ASTN2: variants seen among roughly 807,000 people sequenced by gnomAD.
The protein encoded by ASTN2 is astrotactin 2, also known as astrotactin-2.
In ASTN2, 54 loss-of-function variants were observed where a neutral mutation model predicts 139.8. That is an observed-to-expected ratio of 0.39 (90% confidence interval 0.31 to 0.48). The LOEUF (loss-of-function observed/expected upper bound fraction) is 0.48. Among genes scored for constraint, ASTN2 ranks in the 20% least tolerant of loss-of-function variants. The pLI, the probability that ASTN2 is intolerant of heterozygous loss-of-function variation, is 0.95. For missense variants in ASTN2, 1,565 were observed against 1,725.1 expected (o/e 0.91, Z 1.64); for synonymous variants, 756 against 719.5 (o/e 1.05, Z -0.81).
intron 5 of ASTN2, among the ~76,000 whole-genome samples, chr9:117,051,636 C>T (rs922319129): frequency 3.9e-5 from 6 of 152,154 alleles, no homozygotes; most frequent in African/African-American, 1.2e-4. Flanking sequence ...AAATATGTTG[C>T]CCATCATTCT....
At chr9:117,152,555 T>C (rs1830349026) in intron 3 of ASTN2, among the ~76,000 whole-genome samples, 1 of 152,134 alleles carries the variant, frequency 6.6e-6, no homozygotes, top group South Asian at 2.1e-4. Flanking sequence ...GCTTATCAAG[T>C]TTCTGCTTTG....
At chr9:117,235,797 T>C (rs555331675) in intron 2 of ASTN2, among the ~76,000 whole-genome samples, 12 of 152,210 alleles carry the variant, frequency 7.9e-5, no homozygotes, top group Non-Finnish European at 1.6e-4. Context: ...CCTGAGTTTA[T>C]AGGCAACCCT....
intron 1 of ASTN2, among the ~76,000 whole-genome samples, chr9:117,388,262 T>C (rs1430658894): frequency 6.6e-6 from 1 of 152,240 alleles, no homozygotes; most frequent in Non-Finnish European, 1.5e-5. Context: ...TAGACCCACC[T>C]TTCAAAATCT....
At chr9:116,862,761 G>T (rs1043286976) in intron 11 of ASTN2, among the ~76,000 whole-genome samples, 1 of 150,490 alleles carries the variant, frequency 6.6e-6, no homozygotes, top group African/African-American at 2.4e-5. Flanking sequence ...AGCCTATGTG[G>T]CAATGTTTCC....
At chr9:116,445,232 AG>A (rs771504867) in intron 20 of ASTN2, among the ~76,000 whole-genome samples, 4 of 152,228 alleles carry the variant, frequency 2.6e-5, no homozygotes, top group African/African-American at 7.2e-5. Flanking sequence ...CAATAAAATG[AG>A]GTTAGTTTCA....
intron 19 of ASTN2, among the ~76,000 whole-genome samples, chr9:116,530,710 G>T (rs1392244907): frequency 6.6e-6 from 1 of 152,188 alleles, no homozygotes; most frequent in Non-Finnish European, 1.5e-5. Context: ...TAGGCCAGAA[G>T]ACTCTTCAAT....
intron 3 of ASTN2, among the ~76,000 whole-genome samples, chr9:117,154,724 A>G (rs1181704391): frequency 2.6e-5 from 4 of 152,122 alleles, no homozygotes; most frequent in South Asian, 2.1e-4. Context: ...ATTATTATAT[A>G]CATCAAGGTC....
intron 10 of ASTN2, among the ~76,000 whole-genome samples, chr9:116,939,599 G>A (rs1322221882): frequency 6.6e-6 from 1 of 152,052 alleles, no homozygotes; most frequent in African/African-American, 2.4e-5. Context: ...AAAATCATTT[G>A]TGTCATTCTT....
chr9:117,349,713 A>G (rs1164373860), intron 1 of ASTN2, among the ~76,000 whole-genome samples: 1 of 152,184 alleles, frequency 6.6e-6, no homozygotes, highest in Non-Finnish European at 1.5e-5. Flanking sequence ...ATTGTCTTGC[A>G]GTGGAAAAAC....
chr9:117,244,597 G>A (rs1166147799), intron 2 of ASTN2, among the ~76,000 whole-genome samples: 4 of 126,550 alleles, frequency 3.2e-5, no homozygotes, highest in Non-Finnish European at 6.9e-5. Context: ...GAGGGAGGGA[G>A]GGAGGGAGGA....
chr9:116,925,154 C>G (rs781535745), intron 10 of ASTN2, among the ~76,000 whole-genome samples: 18 of 152,144 alleles, frequency 1.2e-4, no homozygotes, highest in Non-Finnish European at 2.4e-4. Context: ...TCCTGTCTTA[C>G]AGTTAACAAA....
At chr9:117,397,627 C>T (rs7864100) in intron 1 of ASTN2, among the ~76,000 whole-genome samples, 1 of 152,238 alleles carries the variant, frequency 6.6e-6, no homozygotes, top group East Asian at 1.9e-4. Flanking sequence ...TAATAATTGG[C>T]AAATGTATGC....
At chr9:116,508,002 C>A (rs906519595) in intron 19 of ASTN2, among the ~76,000 whole-genome samples, 1 of 152,170 alleles carries the variant, frequency 6.6e-6, no homozygotes, top group Non-Finnish European at 1.5e-5. Flanking sequence ...GGTTCTCCTG[C>A]CTCAGCCTCC....
chr9:117,270,721 A>G (rs1206982746), intron 2 of ASTN2, among the ~76,000 whole-genome samples: 2 of 152,224 alleles, frequency 1.3e-5, no homozygotes, highest in African/African-American at 4.8e-5. Context: ...AAGCTACAAT[A>G]TTAATACCTA....
At chr9:117,033,496 G>A (rs113476362) in intron 6 of ASTN2, among the ~76,000 whole-genome samples, 2 of 152,164 alleles carry the variant, frequency 1.3e-5, no homozygotes, top group South Asian at 4.1e-4. Context: ...TGTAACTGAA[G>A]CTTAAAATGT....
At chr9:116,808,274 A>G (rs949218196) in intron 12 of ASTN2, among the ~76,000 whole-genome samples, 1 of 114,116 alleles carries the variant, frequency 8.8e-6, no homozygotes, top group Non-Finnish European at 1.8e-5. Context: ...ATTTAAATAC[A>G]TATTGTGTGT....
At chr9:117,009,481 C>T (rs1434009445) in intron 6 of ASTN2, among the ~76,000 whole-genome samples, 1 of 151,996 alleles carries the variant, frequency 6.6e-6, no homozygotes, top group Admixed American at 6.6e-5. Context: ...TGAGTGTATG[C>T]ATGTATAGCA....
chr9:117,196,076 T>C (rs557547589), intron 3 of ASTN2, among the ~76,000 whole-genome samples: 2 of 152,284 alleles, frequency 1.3e-5, no homozygotes, highest in African/African-American at 4.8e-5. Context: ...CAGTGTGGTG[T>C]AGTGAGTTCA....
chr9:117,337,005 T>A (rs1429066173), intron 1 of ASTN2, among the ~76,000 whole-genome samples: 2 of 152,170 alleles, frequency 1.3e-5, no homozygotes, highest in East Asian at 3.8e-4. Context: ...AATAAATAAG[T>A]CACCTAACAT....
Sources: allele counts gnomAD v4.1 joint callset (sites outside exome capture counted in the v4.1 genomes callset), GRCh38; gene constraint gnomAD v4.1.1; transcripts MANE v1.5; gene names NCBI Gene and HGNC (gene_info 2026-07-23, HGNC 2026-07-21).